RAB37: variants seen among roughly 807,000 people sequenced by gnomAD.
The protein encoded by RAB37 is ras-related protein Rab-37.
In RAB37, 29 loss-of-function variants were observed where a neutral mutation model predicts 33.1. The ratio of observed to expected loss-of-function variants is 0.88; its 90% confidence interval spans 0.65 to 1.20. RAB37 has a LOEUF of 1.20. Ranked by LOEUF, RAB37 falls within the 50% of genes most tolerant of loss-of-function variation. The pLI is 0.00. For missense variants in RAB37, 299 were observed against 301.1 expected, an observed-to-expected ratio of 0.99 and a Z score of 0.05; for synonymous variants, 128 against 119.5, an observed-to-expected ratio of 1.07 and a Z score of -0.47.
intron 1 of RAB37, among the ~76,000 whole-genome samples, chr17:74,717,902 C>T (rs2034187378): frequency 6.6e-6 from 1 of 152,054 alleles, no homozygotes; most frequent in South Asian, 2.1e-4. Flanking sequence ...AGAAGGAGTC[C>T]TCCCTGAGGA....
Position 74,700,506 on chromosome 17 carries a change from C to T in RAB37, c.73-28750C>T, listed in dbSNP as rs143113316. ...CTGTAATCCCAGCACTTTGGGAGGC[C>T]GAGGCAGGCTGATCACATGAGGTCG... On this transcript the variant is annotated intron_variant, in intron 1 of 7. Coordinates refer to the RAB37 transcript ENST00000340415. Among the ~76,000 whole-genome samples, 715 of 152,158 alleles carry T rather than the reference C, an allele frequency of 4.7e-3. 5 individuals are homozygous for T. Among genetic ancestry groups the T allele is most frequent in the Non-Finnish European group, 8.3e-3 (562 of 67,994 alleles).
In RAB37 at chr17:74,728,802, T is replaced by C. The variant is rs111210886; in HGVS notation, c.73-454T>C. On this transcript the variant is annotated intron_variant, in intron 1 of 7. Coordinates refer to the RAB37 transcript ENST00000340415. Reference sequence around the variant, plus strand: ...TTCTGTGTCATGTGTGTTCTGTGCATACATGTGTACATGTGTTTTTCTGTG... The same window carrying C: ...TTCTGTGTCATGTGTGTTCTGTGCACACATGTGTACATGTGTTTTTCTGTG... Among the ~76,000 whole-genome samples the C allele has an allele frequency of 2.0e-5, 3 of 152,290 alleles. No individual in the cohort carries two copies. In the East Asian group the frequency reaches 5.8e-4, roughly 29 times the overall value.
intron 1 of RAB37, among the ~76,000 whole-genome samples, chr17:74,716,964 T>C (rs1241974626): frequency 2.6e-5 from 4 of 152,118 alleles, no homozygotes; most frequent in African/African-American, 9.7e-5. Context: ...TGAAACCCTG[T>C]CTCTACTAAA....
chr17:74,736,937 A>T, upstream of RAB37: 1 of 1,511,672 alleles, frequency 6.6e-7, no homozygotes, highest in Non-Finnish European at 8.9e-7. Context: ...ACTCTTCCGC[A>T]GCAGACGGGG....
chr17:74,731,985 G>T (rs2034389841), intron 2 of RAB37, among the ~76,000 whole-genome samples: 2 of 151,794 alleles, frequency 1.3e-5, no homozygotes, highest in African/African-American at 4.8e-5. Context: ...GCTACAGCCT[G>T]GGCAACAGAG....
At chr17:74,714,396 A>AACACACACACACAAACAC (rs1555590437) in intron 1 of RAB37, among the ~76,000 whole-genome samples, 1 of 137,874 alleles carries the variant, frequency 7.3e-6, no homozygotes, top group Non-Finnish European at 1.6e-5. Context: ...TGTCTCTTTA[A>AACACACACACACAAACAC]ACACACACAC....
In RAB37 at chr17:74,729,113, TTGTG is replaced by T. The variant is rs896283288; in HGVS notation, c.73-133_73-130del. 19 of 671,000 alleles carry T rather than the reference TTGTG, an allele frequency of 2.8e-5. No homozygotes were observed. The highest frequency in any genetic ancestry group is 5.3e-5 in the East Asian group (2 of 37,440). 41.6% of individuals were successfully genotyped at this position (671,000 alleles called of 1,614,324 possible). On this transcript the variant is annotated intron_variant, in intron 1 of 7. Transcript: ENST00000340415. This position sits in a 1 kb window ranked among gnomAD's most constrained non-coding sequence, Gnocchi z 4.2. The stretch of plus-strand genomic sequence containing the variant: ...ATGTCTGTATGTGTGTGTCAGTGTC[TTGTG>T]TGTGTGTGTTTCTGTGTGTGTGTGT...
At chr17:74,735,035 A>AAG (rs1253847200), upstream of RAB37, among the ~76,000 whole-genome samples, 2 of 140,400 alleles carry the variant, frequency 1.4e-5, no homozygotes, top group Non-Finnish European at 3.3e-5. Context: ...GAAAGAAAGA[A>AAG]AGAAAGAAAG....
intron 1 of RAB37, among the ~76,000 whole-genome samples, chr17:74,685,467 C>T (rs186237679): frequency 4.6e-5 from 7 of 152,284 alleles, no homozygotes; most frequent in East Asian, 3.9e-4. Flanking sequence ...AGATTACAGG[C>T]GTGAACCACT....
chr17:74,720,646 A>G (rs1194416073), intron 1 of RAB37, among the ~76,000 whole-genome samples: 3 of 152,158 alleles, frequency 2.0e-5, no homozygotes, highest in African/African-American at 4.8e-5. Context: ...GTTGCCATCC[A>G]CAGATGGCTA....
rs141991676 is a variant in RAB37 at position 74,721,524 on chromosome 17, C to T, written c.73-7732C>T. ...CTTGGCTGACTGTAACCTCCACCTC[C>T]CAGGTTCAAGTGATTCTCCTGCCTC... On this transcript the variant is annotated intron_variant, in intron 1 of 7. Transcript: ENST00000340415. Among the ~76,000 whole-genome samples, 67 of 151,904 alleles carry T rather than the reference C, an allele frequency of 4.4e-4. 1 individual carries two copies. The highest frequency in any genetic ancestry group is 1.5e-3 in the African/African-American group (64 of 41,392).
chr17:74,677,804 A>C (rs2031867886), intron 1 of RAB37, among the ~76,000 whole-genome samples: 1 of 152,162 alleles, frequency 6.6e-6, no homozygotes, highest in Non-Finnish European at 1.5e-5. Flanking sequence ...TCAGCAGGAA[A>C]TGATGGTGAC....
intron 1 of RAB37, among the ~76,000 whole-genome samples, chr17:74,720,860 A>T (rs551936914): frequency 1.0e-3 from 152 of 152,262 alleles, no homozygotes; most frequent in Middle Eastern, 3.4e-3. Flanking sequence ...CGGAGATTTT[A>T]TTAAGCGGTG....
Position 74,741,218 on chromosome 17 carries a change from G to A in RAB37, c.204+340G>A, listed in dbSNP as rs116557301. On this transcript the variant is annotated intron_variant, in intron 2 of 8. Transcript: ENST00000392613. The stretch of plus-strand genomic sequence containing the variant: ...CCCTGCTCATTGCTCTCCTACCTGG[G>A]CCCCTTTGGAAAGGCCTCAAAGGTC... 2.3e-3 allele frequency among the ~76,000 whole-genome samples: 353 copies of A among 152,210 alleles called. 1 individual carries two copies. The highest frequency in any genetic ancestry group is 7.7e-3 in the African/African-American group (320 of 41,504).
rs1005333780 is a variant in RAB37, at chr17:74,730,957, G to A, written c.183+1591G>A. On this transcript the variant is annotated intron_variant, in intron 2 of 7. Transcript: ENST00000340415. This position sits in a 1 kb window ranked among gnomAD's most constrained non-coding sequence, Gnocchi z 4.4. ...TCTAGCCTGAGATGAGACACACTGG[G>A]CTTTCCCACTGACCTCAGGGTGGGC... Among the ~76,000 whole-genome samples, 6 of 152,254 alleles carry A rather than the reference G, an allele frequency of 3.9e-5. No homozygotes were observed. The highest frequency in any genetic ancestry group is 1.4e-4 in the African/African-American group (6 of 41,474).
rs986942845 is a variant in RAB37 at position 74,713,010 on chromosome 17, A to G, written c.73-16246A>G. 53 of 859,624 alleles carry G rather than the reference A, an allele frequency of 6.2e-5. No individual in the cohort carries two copies. The African/African-American group carries it at 8.3e-4, about 14-fold the overall frequency. 53.2% of individuals were successfully genotyped at this position (859,624 alleles called of 1,614,324 possible). The stretch of plus-strand genomic sequence containing the variant: ...TCCCATGGGTGAAAGAGACTAAAAG[A>G]GGAAGGAGGTGGTTGGTTGGGCACC... On this transcript the variant is annotated intron_variant, in intron 1 of 7. Coordinates refer to the RAB37 transcript ENST00000340415.
intron 1 of RAB37, among the ~76,000 whole-genome samples, chr17:74,710,615 T>C (rs1181485510): frequency 2.0e-5 from 3 of 151,834 alleles, no homozygotes; most frequent in Non-Finnish European, 4.4e-5. Flanking sequence ...TCCCAACACT[T>C]TGGGAGGCCA....
At chr17:74,725,574 G>A (rs771721679) in intron 1 of RAB37, among the ~76,000 whole-genome samples, 1 of 151,970 alleles carries the variant, frequency 6.6e-6, no homozygotes, top group Non-Finnish European at 1.5e-5. Flanking sequence ...ATAGACCAGC[G>A]CTGAGCTCTC....
intron 1 of RAB37, among the ~76,000 whole-genome samples, chr17:74,683,876 C>A (rs2032002625): frequency 6.6e-6 from 1 of 152,112 alleles, no homozygotes; most frequent in Non-Finnish European, 1.5e-5. Context: ...CCCAGGACAG[C>A]ATCTGCGAGG....
Sources: allele counts gnomAD v4.1 joint callset (sites outside exome capture counted in the v4.1 genomes callset), GRCh38; gene constraint gnomAD v4.1.1; non-coding constraint Gnocchi (gnomAD v3.1); transcripts MANE v1.5; gene names NCBI Gene and HGNC (gene_info 2026-07-23, HGNC 2026-07-21).